TRPC4: variants seen among roughly 807,000 people sequenced by gnomAD.
The protein encoded by TRPC4 is short transient receptor potential channel 4.
A neutral mutation model predicts 99.4 loss-of-function variants in TRPC4; 49 were observed. The ratio of observed to expected loss-of-function variants is 0.49; its 90% CI spans 0.39 to 0.63. The LOEUF (loss-of-function observed/expected upper bound fraction) is 0.63, where lower values mean the gene tolerates loss of function less well. Among genes scored for constraint, TRPC4 ranks in the 20% least tolerant of loss-of-function variants. The probability of loss-of-function intolerance (pLI) is 0.00; values close to 1 mark genes in which losing one functional copy is unlikely to be tolerated. For missense variants in TRPC4, 898 were observed against 1,152.9 expected (o/e 0.78, Z 3.20); for synonymous variants, 454 against 425.9 (o/e 1.07, Z -0.81).
chr13:37,742,127 ATTC>A (rs1221490608), intron 3 of TRPC4, among the ~76,000 whole-genome samples: 2 of 152,152 alleles, frequency 1.3e-5, no homozygotes, highest in Non-Finnish European at 2.9e-5. Context: ...AAGTAATACA[ATTC>A]TTCTTTCTAT....
At chr13:37,818,177 A>G (rs1302285064) in intron 1 of TRPC4, among the ~76,000 whole-genome samples, 1 of 134,062 alleles carries the variant, frequency 7.5e-6, no homozygotes. Flanking sequence ...TCAAGAAAAA[A>G]AATAAAAACC....
Position 37,634,166 on chromosome 13 carries a change from T to C in TRPC4, c.*2737A>G, listed in dbSNP as rs1951454396. ...GTAATTTCAAAGTTCTCTGTAGCAT[T>C]TAGAAATTTCTGTGGATAGAAATAT... On this transcript the variant is annotated 3_prime_UTR_variant, in exon 11 of 11. Coordinates refer to ENST00000379705, the MANE Select transcript of TRPC4 (RefSeq NM_016179.4). Among the ~76,000 whole-genome samples the C allele has an allele frequency of 1.3e-5, 2 of 152,048 alleles. No homozygotes were observed. Among genetic ancestry groups the C allele is most frequent in the African/African-American group, 4.8e-5 (2 of 41,430 alleles).
chr13:37,811,998 A>G (rs1324337308), intron 1 of TRPC4, among the ~76,000 whole-genome samples: 1 of 151,850 alleles, frequency 6.6e-6, no homozygotes, highest in African/African-American at 2.4e-5. Flanking sequence ...CACCGTCTCT[A>G]CTAAAAATAC....
intron 1 of TRPC4, among the ~76,000 whole-genome samples, chr13:37,841,285 A>C (rs1958723446): frequency 6.6e-6 from 1 of 152,102 alleles, no homozygotes; most frequent in Non-Finnish European, 1.5e-5. Context: ...TGAACACCTC[A>C]CTATAAGCAA....
intron 3 of TRPC4, among the ~76,000 whole-genome samples, chr13:37,698,724 T>A (rs77602527): frequency 0.016 from 2,501 of 152,222 alleles, 58 homozygotes; most frequent in African/African-American, 0.054. Flanking sequence ...ACTGAACTCT[T>A]GTGCAAGTGG....
chr13:37,851,242 C>T (rs1445705680), intron 1 of TRPC4, among the ~76,000 whole-genome samples: 1 of 152,004 alleles, frequency 6.6e-6, no homozygotes, highest in Non-Finnish European at 1.5e-5. Context: ...TACTCTTACC[C>T]TATTTGCTTT....
chr13:37,732,395 T>TA (rs1192806925), intron 3 of TRPC4, among the ~76,000 whole-genome samples: 1 of 152,042 alleles, frequency 6.6e-6, no homozygotes, highest in Non-Finnish European at 1.5e-5. Flanking sequence ...GCATTCCTGT[T>TA]AAGAACTAAA....
At chr13:37,787,997 ATT>A (rs1218835729) in intron 1 of TRPC4, among the ~76,000 whole-genome samples, 2 of 152,104 alleles carry the variant, frequency 1.3e-5, no homozygotes, top group Non-Finnish European at 2.9e-5. Flanking sequence ...AAACAATGTT[ATT>A]GTGCTGGATT....
intron 1 of TRPC4, among the ~76,000 whole-genome samples, chr13:37,816,944 C>T (rs1300957937): frequency 6.6e-6 from 1 of 151,922 alleles, no homozygotes; most frequent in Non-Finnish European, 1.5e-5. Flanking sequence ...TGGAAACATG[C>T]CCCTTGAAAA....
At chr13:37,777,577 A>G (rs1233494129) in intron 2 of TRPC4, among the ~76,000 whole-genome samples, 1 of 149,348 alleles carries the variant, frequency 6.7e-6, no homozygotes, top group Non-Finnish European at 1.5e-5. Context: ...CATATCAACA[A>G]TGGTGGCATT....
intron 3 of TRPC4, among the ~76,000 whole-genome samples, chr13:37,745,463 T>C (rs1955727500): frequency 8.7e-5 from 4 of 46,162 alleles, no homozygotes; most frequent in African/African-American, 2.7e-4. Flanking sequence ...TATATATATA[T>C]ATATATATAT....
At chr13:37,823,207 C>G (rs1236815530) in intron 1 of TRPC4, among the ~76,000 whole-genome samples, 1 of 147,844 alleles carries the variant, frequency 6.8e-6, no homozygotes, top group Non-Finnish European at 1.5e-5. Context: ...AAAATTTTCT[C>G]CCATTTTGTA....
At chr13:37,812,745 A>T (rs915424337) in intron 1 of TRPC4, among the ~76,000 whole-genome samples, 6 of 152,132 alleles carry the variant, frequency 3.9e-5, no homozygotes, top group Middle Eastern at 3.2e-3. Flanking sequence ...ATAATTGTTA[A>T]CTAACAAATA....
intron 2 of TRPC4, among the ~76,000 whole-genome samples, chr13:37,765,875 T>G (rs917237986): frequency 2.0e-5 from 3 of 151,486 alleles, no homozygotes; most frequent in African/African-American, 7.3e-5. Flanking sequence ...TATTTGATGT[T>G]TTTTTAAATG....
intron 1 of TRPC4, among the ~76,000 whole-genome samples, chr13:37,788,498 C>G (rs756278300): frequency 1.3e-5 from 2 of 152,008 alleles, no homozygotes; most frequent in African/African-American, 4.8e-5. Flanking sequence ...TCAAGTCTTA[C>G]GAGTTTTCAG....
At chr13:37,788,561 C>CT (rs1957028962) in intron 1 of TRPC4, among the ~76,000 whole-genome samples, 1 of 150,972 alleles carries the variant, frequency 6.6e-6, no homozygotes, top group African/African-American at 2.4e-5. Context: ...CTTGGGCTCC[C>CT]TGCCAGTCTT....
intron 2 of TRPC4, among the ~76,000 whole-genome samples, chr13:37,754,160 G>C (rs1566145988): frequency 6.6e-6 from 1 of 152,168 alleles, no homozygotes; most frequent in African/African-American, 2.4e-5. Context: ...AAATGGGCTT[G>C]CTGCCCCTTT....
At chr13:37,736,895 AT>A (rs34176145) in intron 3 of TRPC4, among the ~76,000 whole-genome samples, 4,259 of 127,694 alleles carry the variant, frequency 0.033, 122 homozygotes, top group African/African-American at 0.1. Flanking sequence ...TGCCTGGCTA[AT>A]TTTTTTTTTT....
chr13:37,745,541 T>A (rs1304460227), intron 3 of TRPC4, among the ~76,000 whole-genome samples: 8 of 22,198 alleles, frequency 3.6e-4, no homozygotes, highest in Non-Finnish European at 5.3e-4. Context: ...TATATACGTA[T>A]ATATATATAT....
Sources: allele counts gnomAD v4.1 joint callset (sites outside exome capture counted in the v4.1 genomes callset), GRCh38; gene constraint gnomAD v4.1.1; transcripts MANE v1.5; gene names NCBI Gene and HGNC (gene_info 2026-07-23, HGNC 2026-07-21).